The following ARHGAP24 variants were observed in gnomAD, a reference collection of about 807,000 sequenced individuals.
ARHGAP24 encodes rho GTPase-activating protein 24.
Under a neutral mutation model 76.4 loss-of-function variants are expected in ARHGAP24, and 50 were observed. The ratio of observed to expected loss-of-function variants is 0.65; its 90% CI spans 0.52 to 0.83. ARHGAP24 has a LOEUF of 0.83. ARHGAP24 is among the 40% of genes least tolerant of loss of function. The pLI, the probability that ARHGAP24 is intolerant of heterozygous loss-of-function variation, is 0.00. For synonymous variants in ARHGAP24, 345 were observed against 323.3 expected (o/e 1.07, Z -0.72); for missense variants, 930 against 914.2 (o/e 1.02, Z -0.22).
intron 1 of ARHGAP24, among the ~76,000 whole-genome samples, chr4:85,481,997 A>G (rs1314653541): frequency 6.6e-6 from 1 of 152,228 alleles, no homozygotes; most frequent in Admixed American, 6.5e-5. Flanking sequence ...GGAGATACCT[A>G]GAGAAGAGAA....
At chr4:85,767,693 A>G (rs942956806) in intron 3 of ARHGAP24, among the ~76,000 whole-genome samples, 5 of 152,222 alleles carry the variant, frequency 3.3e-5, no homozygotes, top group Non-Finnish European at 7.3e-5. Flanking sequence ...TTTCAGTAGC[A>G]TATTATAGTC....
intron 2 of ARHGAP24, among the ~76,000 whole-genome samples, chr4:85,585,130 C>T (rs1022349068): frequency 1.3e-5 from 2 of 152,184 alleles, no homozygotes; most frequent in Non-Finnish European, 2.9e-5. Context: ...AGTTGTTTCA[C>T]ATTACATCAC....
At chr4:85,932,404 T>G (rs1736382555) in intron 4 of ARHGAP24, among the ~76,000 whole-genome samples, 2 of 151,946 alleles carry the variant, frequency 1.3e-5, no homozygotes, top group South Asian at 4.2e-4. Flanking sequence ...ACATGAGATG[T>G]CTGGAGGATT....
Position 85,633,025 on chromosome 4 carries a change from T to A in ARHGAP24, c.180+62304T>A, listed in dbSNP as rs142782018. Among the ~76,000 whole-genome samples the A allele has an allele frequency of 7.3e-3, 1,102 of 151,748 alleles. 15 individuals are homozygous for A. Among genetic ancestry groups the A allele is most frequent in the African/African-American group, 0.025 (1,037 of 41,258 alleles). On this transcript the variant is annotated intron_variant, in intron 2 of 9. Coordinates refer to ENST00000395184, the MANE Select transcript of ARHGAP24 (RefSeq NM_001025616.3). ...GCTCAAGGGAAACATAATAACATTG[T>A]TGTCTAGCACCTACTGTTTTTAGCT...
intron 2 of ARHGAP24, among the ~76,000 whole-genome samples, chr4:85,625,865 C>G (rs1165474040): frequency 6.6e-6 from 1 of 152,104 alleles, no homozygotes; most frequent in African/African-American, 2.4e-5. Context: ...GGTTTAAAGT[C>G]TGTTTTATCA....
intron 3 of ARHGAP24, among the ~76,000 whole-genome samples, chr4:85,844,045 T>A (rs1730739707): frequency 6.6e-6 from 1 of 152,238 alleles, no homozygotes; most frequent in African/African-American, 2.4e-5. Flanking sequence ...AACAATTGAT[T>A]CTAATTTAGC....
intron 3 of ARHGAP24, among the ~76,000 whole-genome samples, chr4:85,725,811 C>T (rs1002752364): frequency 6.6e-6 from 1 of 152,174 alleles, no homozygotes; most frequent in Non-Finnish European, 1.5e-5. Context: ...TGGCCTGCAA[C>T]GTAAGGGAAA....
At chr4:85,794,852 G>T (rs1423258202) in intron 3 of ARHGAP24, among the ~76,000 whole-genome samples, 1 of 152,188 alleles carries the variant, frequency 6.6e-6, no homozygotes, top group Non-Finnish European at 1.5e-5. Context: ...TTTTGAATGA[G>T]TAACACTGAG....
chr4:85,609,364 ATCC>A (rs1287293884), intron 2 of ARHGAP24, among the ~76,000 whole-genome samples: 2 of 151,992 alleles, frequency 1.3e-5, no homozygotes, highest in Non-Finnish European at 2.9e-5. Flanking sequence ...CGTCCAATTG[ATCC>A]TCCTTTATGT....
intron 5 of ARHGAP24, among the ~76,000 whole-genome samples, chr4:85,954,936 G>A (rs1473078752): frequency 6.6e-6 from 1 of 152,220 alleles, no homozygotes; most frequent in Non-Finnish European, 1.5e-5. Context: ...CTTGAACCCA[G>A]GAGGCGGAGG....
chr4:85,581,632 C>G (rs1184421416), intron 2 of ARHGAP24, among the ~76,000 whole-genome samples: 1 of 152,064 alleles, frequency 6.6e-6, no homozygotes, highest in African/African-American at 2.4e-5. Context: ...TTTTAACATT[C>G]ATAATCTTCT....
In ARHGAP24 at chr4:86,001,530, T is replaced by A. The variant is rs1741017720; in HGVS notation, c.*808T>A. 1 of 398,006 alleles carries A rather than the reference T, an allele frequency of 2.5e-6. No homozygotes were observed. The highest frequency in any genetic ancestry group is 4.4e-6 in the Non-Finnish European group (1 of 225,906). 24.7% of individuals were successfully genotyped at this position (398,006 alleles called of 1,614,324 possible). ...GGCATTTAACGATTCAGGCTTTGAA[T>A]TACTCTGTCCCTCTGGACCGAATCT... On this transcript the variant is annotated 3_prime_UTR_variant, in exon 10 of 10. Transcript: ENST00000395184.
chr4:85,566,226 T>C (rs756171266), intron 1 of ARHGAP24, among the ~76,000 whole-genome samples: 1 of 152,216 alleles, frequency 6.6e-6, no homozygotes, highest in Non-Finnish European at 1.5e-5. Context: ...TATTTTGTAA[T>C]CTCACATACC....
chr4:85,657,480 T>C (rs1221007372), intron 2 of ARHGAP24, among the ~76,000 whole-genome samples: 2 of 152,188 alleles, frequency 1.3e-5, no homozygotes, highest in African/African-American at 4.8e-5. Context: ...ACTTGTGAGC[T>C]GAAATTAACA....
At chr4:85,710,486 A>T (rs1724486218) in intron 2 of ARHGAP24, among the ~76,000 whole-genome samples, 1 of 152,220 alleles carries the variant, frequency 6.6e-6, no homozygotes, top group Non-Finnish European at 1.5e-5. Flanking sequence ...TAAACTAAAC[A>T]GCTTCTGCAC....
intron 3 of ARHGAP24, among the ~76,000 whole-genome samples, chr4:85,734,320 C>T (rs1013474695): frequency 6.6e-6 from 1 of 152,176 alleles, no homozygotes; most frequent in Non-Finnish European, 1.5e-5. Context: ...AAAGGAAATA[C>T]ATTGGACATC....
rs199784047 is a variant in ARHGAP24, at chr4:85,755,646, G to GTT, written c.268+33677_268+33678dup. On this transcript the variant is annotated intron_variant, in intron 3 of 9. Coordinates refer to ENST00000395184, the MANE Select transcript of ARHGAP24 (RefSeq NM_001025616.3). ...CTTTTGTTTTGTTTTGTTTTGTTTT[G>GTT]TTTTGAGACGGAGTCTCGTTCTGTT... Among the ~76,000 whole-genome samples, 13 of 121,040 alleles carry GTT rather than the reference G, an allele frequency of 1.1e-4. 3 individuals are homozygous for GTT. The highest frequency in any genetic ancestry group is 3.1e-4 in the African/African-American group (11 of 34,942). 79.4% of individuals were successfully genotyped at this position (121,040 alleles called of 152,430 possible).
intron 1 of ARHGAP24, among the ~76,000 whole-genome samples, chr4:85,525,182 A>G (rs1724932111): frequency 6.6e-6 from 1 of 152,016 alleles, no homozygotes; most frequent in African/African-American, 2.4e-5. Flanking sequence ...ATGATATTCA[A>G]AAATTAATTG....
chr4:85,835,555 CAAAA>C (rs76896754), intron 3 of ARHGAP24, among the ~76,000 whole-genome samples: 1 of 111,868 alleles, frequency 8.9e-6, no homozygotes. Context: ...GACTCCATCT[CAAAA>C]AAAAAAAAAA....
Sources: allele counts gnomAD v4.1 joint callset (sites outside exome capture counted in the v4.1 genomes callset), GRCh38; gene constraint gnomAD v4.1.1; transcripts MANE v1.5; gene names NCBI Gene and HGNC (gene_info 2026-07-23, HGNC 2026-07-21).